Variants in CTNNA3 observed in about 807,000 individuals in gnomAD.
CTNNA3 encodes catenin alpha-3.
A neutral mutation model predicts 95.7 loss-of-function variants in CTNNA3; 76 were observed. That is an observed-to-expected ratio of 0.79 (90% CI 0.66 to 0.96). The LOEUF is 0.96. CTNNA3 is among the 40% of genes least tolerant of loss of function. CTNNA3 has a pLI of 0.00. For missense variants in CTNNA3, 1,191 were observed against 1,089.8 expected (o/e 1.09, Z -1.31); for synonymous variants, 431 against 374.4 (o/e 1.15, Z -1.74).
At chr10:66,193,203 A>G (rs2086774821) in intron 13 of CTNNA3, among the ~76,000 whole-genome samples, 1 of 152,172 alleles carries the variant, frequency 6.6e-6, no homozygotes, top group African/African-American at 2.4e-5. Context: ...TAATCAAATA[A>G]TCACACAAAC....
chr10:66,681,362 C>T (rs970294489), intron 9 of CTNNA3, among the ~76,000 whole-genome samples: 11 of 152,092 alleles, frequency 7.2e-5, no homozygotes, highest in African/African-American at 2.4e-4. Flanking sequence ...AACAACCTCA[C>T]AGAATATACC....
chr10:66,950,164 T>C (rs1848466479), intron 7 of CTNNA3, among the ~76,000 whole-genome samples: 1 of 152,204 alleles, frequency 6.6e-6, no homozygotes, highest in African/African-American at 2.4e-5. Flanking sequence ...AAATTATATT[T>C]TATAACCAAA....
chr10:66,355,397 C>T (rs79145718), intron 12 of CTNNA3, among the ~76,000 whole-genome samples: 5,296 of 152,110 alleles, frequency 0.035, 310 homozygotes, highest in African/African-American at 0.12. Flanking sequence ...AATGTAATGG[C>T]AAATGCAAAT....
chr10:66,896,755 C>A (rs1845508554), intron 7 of CTNNA3, among the ~76,000 whole-genome samples: 1 of 152,190 alleles, frequency 6.6e-6, no homozygotes, highest in African/African-American at 2.4e-5. Context: ...ATTTCATCAT[C>A]CATGGGACTT....
At chr10:67,180,286 CT>C (rs1476772099) in intron 7 of CTNNA3, 30 bp downstream of exon 7, 4 of 1,578,426 alleles carry the variant, frequency 2.5e-6, no homozygotes, top group Non-Finnish European at 1.7e-6. Flanking sequence ...GGAAGAGGGG[CT>C]AGGGATGGGA....
intron 11 of CTNNA3, among the ~76,000 whole-genome samples, chr10:66,443,248 A>G (rs1208392757): frequency 1.3e-5 from 2 of 151,984 alleles, no homozygotes; most frequent in African/African-American, 4.8e-5. Context: ...TAGACAAACA[A>G]AAAGACAGCA....
In CTNNA3 at chr10:66,877,058, C is replaced by T. The variant is rs548641775; in HGVS notation, c.1048-101534G>A. Among the ~76,000 whole-genome samples, 31 of 152,226 alleles carry T rather than the reference C, an allele frequency of 2.0e-4. 1 individual carries two copies. The highest frequency in any genetic ancestry group is 1.7e-3 in the South Asian group (8 of 4,826). On this transcript the variant is annotated intron_variant, in intron 7 of 17. Coordinates refer to ENST00000433211, the MANE Select transcript of CTNNA3 (RefSeq NM_013266.4). ...GCTCAGGACAGAGAAATGGACTGAGCTGCCTGACTTTCTTACCTCTGCATC... is the reference window on the plus strand; with the variant it reads ...GCTCAGGACAGAGAAATGGACTGAGTTGCCTGACTTTCTTACCTCTGCATC...
intron 7 of CTNNA3, among the ~76,000 whole-genome samples, chr10:67,078,662 A>G (rs565036507): frequency 7.2e-5 from 11 of 152,106 alleles, no homozygotes; most frequent in South Asian, 2.1e-4. Flanking sequence ...GATTACAGGC[A>G]CCCACCACCA....
At chr10:66,263,481 T>C (rs537381124) in intron 13 of CTNNA3, among the ~76,000 whole-genome samples, 2 of 152,154 alleles carry the variant, frequency 1.3e-5, no homozygotes, top group Non-Finnish European at 2.9e-5. Context: ...GAGACCACTT[T>C]ACAGAATATG....
At chr10:66,084,185 A>G (rs956562849) in intron 14 of CTNNA3, among the ~76,000 whole-genome samples, 12 of 151,686 alleles carry the variant, frequency 7.9e-5, no homozygotes, top group African/African-American at 2.9e-4. Context: ...AAGGAAAGAA[A>G]AAAAGAAATG....
chr10:67,466,836 A>C (rs1018738217), intron 5 of CTNNA3, among the ~76,000 whole-genome samples: 1 of 152,116 alleles, frequency 6.6e-6, no homozygotes, highest in Non-Finnish European at 1.5e-5. Flanking sequence ...TTAATACCAG[A>C]CTCTAACCTA....
At chr10:67,149,452 A>G (rs1589796874) in intron 7 of CTNNA3, among the ~76,000 whole-genome samples, 1 of 151,916 alleles carries the variant, frequency 6.6e-6, no homozygotes, top group African/African-American at 2.4e-5. Context: ...CAGCGTGGTG[A>G]CAGGCGCCTG....
chr10:66,936,169 G>A (rs563440674), intron 7 of CTNNA3, among the ~76,000 whole-genome samples: 1 of 152,048 alleles, frequency 6.6e-6, no homozygotes, highest in South Asian at 2.1e-4. Flanking sequence ...CTTTACTCTG[G>A]TCACTTTTAT....
intron 7 of CTNNA3, among the ~76,000 whole-genome samples, chr10:66,917,417 CAT>C (rs1225678629): frequency 1.3e-5 from 2 of 152,256 alleles, no homozygotes; most frequent in East Asian, 1.9e-4. Flanking sequence ...TCTGGTTTGA[CAT>C]ATAGGCTGAT....
intron 14 of CTNNA3, among the ~76,000 whole-genome samples, chr10:66,091,527 C>T (rs1179858767): frequency 6.6e-6 from 1 of 151,526 alleles, no homozygotes; most frequent in Non-Finnish European, 1.5e-5. Flanking sequence ...GGGAATACAT[C>T]ATGGGAAAAA....
At chr10:66,384,344 T>G (rs975761499) in intron 11 of CTNNA3, among the ~76,000 whole-genome samples, 4 of 151,778 alleles carry the variant, frequency 2.6e-5, no homozygotes, top group African/African-American at 7.3e-5. Context: ...TCAAAAGAGA[T>G]AAAGAAGGCC....
chr10:67,652,507 A>C (rs1839904313), intron 1 of CTNNA3, among the ~76,000 whole-genome samples: 1 of 152,202 alleles, frequency 6.6e-6, no homozygotes, highest in African/African-American at 2.4e-5. Flanking sequence ...TGTTTAATTA[A>C]TTAAACATTT....
At chr10:65,990,508 C>T (rs1464107759) in intron 15 of CTNNA3, among the ~76,000 whole-genome samples, 2 of 151,000 alleles carry the variant, frequency 1.3e-5, no homozygotes, top group Non-Finnish European at 3.0e-5. Context: ...TTTCATATAC[C>T]TATTGGTCAT....
intron 5 of CTNNA3, among the ~76,000 whole-genome samples, chr10:67,317,039 C>T (rs1411692446): frequency 6.6e-6 from 1 of 152,126 alleles, no homozygotes; most frequent in East Asian, 1.9e-4. Flanking sequence ...TTTCTTTATG[C>T]TTAAAAGCAG....
Sources: allele counts gnomAD v4.1 joint callset (sites outside exome capture counted in the v4.1 genomes callset), GRCh38; gene constraint gnomAD v4.1.1; transcripts MANE v1.5; gene names NCBI Gene and HGNC (gene_info 2026-07-23, HGNC 2026-07-21).